ROBO2: variants seen among roughly 807,000 people sequenced by gnomAD.
ROBO2 encodes the protein roundabout guidance receptor 2.
ROBO2 carries 53 observed loss-of-function variants against 160.8 expected under a neutral mutation model. The ratio of observed to expected loss-of-function variants is 0.33; its 90% CI spans 0.26 to 0.41. The LOEUF is 0.41. ROBO2 is among the 10% of genes least tolerant of loss of function. The pLI, the probability that ROBO2 is intolerant of heterozygous loss-of-function variation, is 1.00. For missense variants in ROBO2, 1,577 were observed against 1,722.4 expected, an observed-to-expected ratio of 0.92 and a Z score of 1.49; for synonymous variants, 664 against 611.7, an observed-to-expected ratio of 1.09 and a Z score of -1.26.
In ROBO2 at chr3:77,568,453, T is replaced by C. The variant is rs750142601; in HGVS notation, c.1971+19T>C. On this transcript the variant is annotated intron_variant, in intron 13 of 25. Transcript: ENST00000461745. Reference sequence around the variant, plus strand: ...ATGGACGGTAAGCTTTCAAAGGCAATGTTAATAGTAATCTCTTCTCTTTCG... The same window carrying C: ...ATGGACGGTAAGCTTTCAAAGGCAACGTTAATAGTAATCTCTTCTCTTTCG... The C allele has an allele frequency of 6.2e-7, 1 of 1,612,356 alleles. No individual in the cohort carries two copies. The highest frequency in any genetic ancestry group is 8.5e-7 in the Non-Finnish European group (1 of 1,178,894).
chr3:77,263,805 A>G (rs1466911460), intron 2 of ROBO2, among the ~76,000 whole-genome samples: 7 of 152,186 alleles, frequency 4.6e-5, no homozygotes, highest in Admixed American at 3.3e-4. Flanking sequence ...TTCTGTCTTT[A>G]AAGTTAGAAT....
At chr3:77,510,401 G>A (rs1464446984) in intron 5 of ROBO2, among the ~76,000 whole-genome samples, 1 of 152,138 alleles carries the variant, frequency 6.6e-6, no homozygotes, top group East Asian at 1.9e-4. Context: ...AACTGAATAA[G>A]TGAGGAAGAC....
intron 2 of ROBO2, among the ~76,000 whole-genome samples, chr3:76,421,466 C>G (rs1473720139): frequency 6.6e-6 from 1 of 151,088 alleles, no homozygotes; most frequent in Non-Finnish European, 1.5e-5. Flanking sequence ...GTGGCTCATG[C>G]CTGTAATCCC....
At chr3:76,589,228 A>G (rs989750753) in intron 2 of ROBO2, among the ~76,000 whole-genome samples, 5 of 152,210 alleles carry the variant, frequency 3.3e-5, no homozygotes, top group African/African-American at 1.2e-4. Context: ...TTGAATATAT[A>G]CAAAGTTTAT....
At chr3:76,730,314 C>G (rs28453738) in intron 2 of ROBO2, among the ~76,000 whole-genome samples, 105 of 63,020 alleles carry the variant, frequency 1.7e-3, no homozygotes, top group South Asian at 9.6e-3. Flanking sequence ...CTACCCGCTT[C>G]TCCTCACCTC....
chr3:76,232,558 T>C (rs2107476307), intron 2 of ROBO2, among the ~76,000 whole-genome samples: 1 of 152,320 alleles, frequency 6.6e-6, no homozygotes, highest in Admixed American at 6.5e-5. Context: ...AGTACATCGA[T>C]TGCAAATATA....
At chr3:77,337,418 A>T (rs1249097744) in intron 2 of ROBO2, among the ~76,000 whole-genome samples, 2 of 152,196 alleles carry the variant, frequency 1.3e-5, no homozygotes, top group Non-Finnish European at 2.9e-5. Context: ...CCAAAAAAGA[A>T]AATGGAGAGT....
At chr3:77,071,080 G>T (rs532850024) in intron 1 of ROBO2, among the ~76,000 whole-genome samples, 1 of 152,270 alleles carries the variant, frequency 6.6e-6, no homozygotes, top group East Asian at 1.9e-4. Context: ...GCCGCAGAAG[G>T]TTATGCTGTG....
intron 2 of ROBO2, among the ~76,000 whole-genome samples, chr3:76,222,570 G>T (rs557005335): frequency 3.0e-4 from 46 of 151,156 alleles, no homozygotes; most frequent in African/African-American, 1.1e-3. Context: ...GGCACTGTCT[G>T]TGACCAATTA....
chr3:77,011,800 A>G (rs986572455), intron 2 of ROBO2, among the ~76,000 whole-genome samples: 1 of 152,022 alleles, frequency 6.6e-6, no homozygotes, highest in Non-Finnish European at 1.5e-5. Context: ...ATAATGTGCT[A>G]TCTATTTCCT....
intron 2 of ROBO2, among the ~76,000 whole-genome samples, chr3:76,471,888 A>G (rs2078673678): frequency 6.6e-6 from 1 of 152,064 alleles, no homozygotes; most frequent in South Asian, 2.1e-4. Flanking sequence ...ATCAGATCTC[A>G]TGAGAACTCA....
intron 2 of ROBO2, among the ~76,000 whole-genome samples, chr3:76,475,434 G>A (rs373690804): frequency 2.6e-5 from 4 of 152,062 alleles, no homozygotes; most frequent in Admixed American, 6.6e-5. Flanking sequence ...TATTCTGAGC[G>A]AGATGGGAAG....
intron 2 of ROBO2, among the ~76,000 whole-genome samples, chr3:76,746,642 C>G (rs996103135): frequency 6.6e-6 from 1 of 152,074 alleles, no homozygotes; most frequent in Non-Finnish European, 1.5e-5. Context: ...AGCAGCACAT[C>G]AAAAAGCTTA....
At chr3:76,328,240 G>A (rs1029379903) in intron 2 of ROBO2, among the ~76,000 whole-genome samples, 2 of 152,074 alleles carry the variant, frequency 1.3e-5, no homozygotes, top group African/African-American at 2.4e-5. Context: ...ACATATTCCC[G>A]TCCAACTCTC....
chr3:76,365,997 C>T (rs1057169506), intron 2 of ROBO2, among the ~76,000 whole-genome samples: 10 of 152,038 alleles, frequency 6.6e-5, no homozygotes, highest in African/African-American at 2.4e-4. Flanking sequence ...CATCACCTTC[C>T]TCTCCCTTGG....
At chr3:75,971,230 T>C (rs1365973571) in intron 2 of ROBO2, among the ~76,000 whole-genome samples, 1 of 151,448 alleles carries the variant, frequency 6.6e-6, no homozygotes, top group African/African-American at 2.4e-5. Flanking sequence ...AATCATGTTC[T>C]TTGTACCATG....
intron 2 of ROBO2, among the ~76,000 whole-genome samples, chr3:75,970,664 G>A (rs1404521032): frequency 1.3e-5 from 2 of 151,458 alleles, no homozygotes; most frequent in Admixed American, 1.3e-4. Flanking sequence ...AATTCACTGT[G>A]CAATCTTTAA....
At chr3:77,569,789 T>TAA (rs1211716017) in intron 13 of ROBO2, among the ~76,000 whole-genome samples, 1 of 151,970 alleles carries the variant, frequency 6.6e-6, no homozygotes, top group Non-Finnish European at 1.5e-5. Flanking sequence ...GCAAACTACA[T>TAA]AATCAGTCAA....
At chr3:77,028,553 T>TAA (rs990007993) in intron 2 of ROBO2, among the ~76,000 whole-genome samples, 4 of 151,390 alleles carry the variant, frequency 2.6e-5, no homozygotes, top group African/African-American at 7.3e-5. Context: ...CTGTCTCTAA[T>TAA]AAAAAAAATA....
Sources: allele counts gnomAD v4.1 joint callset (sites outside exome capture counted in the v4.1 genomes callset), GRCh38; gene constraint gnomAD v4.1.1; transcripts MANE v1.5; gene names NCBI Gene and HGNC (gene_info 2026-07-23, HGNC 2026-07-21).